The following LRP1B variants were observed in gnomAD, a reference collection of about 807,000 sequenced individuals.
LRP1B encodes LDL receptor related protein 1B, also known as low-density lipoprotein receptor-related protein 1B.
LRP1B carries 217 observed loss-of-function variants against 556.6 expected under a neutral mutation model. The ratio of observed to expected loss-of-function variants is 0.39; its 90% CI spans 0.35 to 0.44. LRP1B has a LOEUF of 0.44. LRP1B is among the 20% of genes least tolerant of loss of function. The probability of loss-of-function intolerance (pLI) is 1.00; values close to 1 mark genes in which losing one functional copy is unlikely to be tolerated. For synonymous variants in LRP1B, 2,047 were observed against 1,865.8 expected, an observed-to-expected ratio of 1.10 and a Z score of -2.50; for missense variants, 5,053 against 5,620.8, an observed-to-expected ratio of 0.90 and a Z score of 3.23.
intron 1 of LRP1B, among the ~76,000 whole-genome samples, chr2:141,893,328 G>A (rs1699346728): frequency 1.3e-5 from 2 of 152,022 alleles, no homozygotes; most frequent in African/African-American, 4.8e-5. Context: ...AACCTCCCAA[G>A]TAGTTGGGAT....
rs537082633 is a variant in LRP1B, at chr2:141,322,893, G to A, written c.344-68252C>T. ...CAGTAGAGCAGGAGTTTTGAGATAC[G>A]AATATCCAAGATTAAAATTGCAGTC... is the stretch of plus-strand genomic sequence containing the variant. On this transcript the variant is annotated intron_variant, in intron 3 of 90. Transcript: ENST00000389484. Among the ~76,000 whole-genome samples, 7 of 152,072 alleles carry A rather than the reference G, an allele frequency of 4.6e-5. No homozygotes were observed. In the East Asian group the frequency reaches 9.7e-4, roughly 21 times the overall value.
At chr2:142,003,192 T>A (rs1168415609) in intron 1 of LRP1B, among the ~76,000 whole-genome samples, 1 of 152,216 alleles carries the variant, frequency 6.6e-6, no homozygotes, top group Non-Finnish European at 1.5e-5. Context: ...TCCATAAAAA[T>A]TTACTGAACA....
intron 18 of LRP1B, among the ~76,000 whole-genome samples, chr2:140,958,978 G>A (rs938294152): frequency 6.6e-6 from 1 of 150,870 alleles, no homozygotes; most frequent in Non-Finnish European, 1.5e-5. Flanking sequence ...AAAGGCAAGA[G>A]AAGTGTTTGA....
At chr2:140,791,123 G>A (rs1690104852) in intron 32 of LRP1B, among the ~76,000 whole-genome samples, 2 of 151,912 alleles carry the variant, frequency 1.3e-5, no homozygotes, top group South Asian at 2.1e-4. Flanking sequence ...GCATAGTGGT[G>A]CACGCCTGTA....
chr2:141,861,361 C>G (rs139132478), intron 1 of LRP1B, among the ~76,000 whole-genome samples: 3 of 152,182 alleles, frequency 2.0e-5, no homozygotes. Context: ...TGATTAACAA[C>G]TTCTACAATA....
At chr2:140,321,310 CTAGCTTCTGAAA>C (rs1448666040) in intron 82 of LRP1B, among the ~76,000 whole-genome samples, 2 of 151,490 alleles carry the variant, frequency 1.3e-5, no homozygotes, top group Non-Finnish European at 2.9e-5. Context: ...ATTCCAGCTT[CTAGCTTCTGAAA>C]TACAAACTGC....
chr2:141,208,301 T>G (rs1325199554), intron 6 of LRP1B: 2 of 152,268 alleles, frequency 1.3e-5, no homozygotes, highest in African/African-American at 4.8e-5. Flanking sequence ...CAGTAGCTTG[T>G]GTTGCAGGGT....
intron 30 of LRP1B, 83 bp downstream of exon 30, chr2:140,840,835 G>A: frequency 9.4e-7 from 1 of 1,068,842 alleles, no homozygotes; most frequent in Non-Finnish European, 1.3e-6. Context: ...TATATCCTCT[G>A]AATTAAGCAA....
intron 1 of LRP1B, 39 bp downstream of exon 1, chr2:142,130,609 G>C (rs757971566): frequency 3.2e-6 from 5 of 1,548,160 alleles, no homozygotes; most frequent in African/African-American, 1.4e-5. Context: ...GGAAAGCCAA[G>C]GAAGTCAGGG....
intron 2 of LRP1B, among the ~76,000 whole-genome samples, chr2:141,535,665 C>T (rs999146295): frequency 5.3e-5 from 8 of 151,790 alleles, no homozygotes; most frequent in African/African-American, 1.2e-4. Context: ...GCAAATAAAC[C>T]ACTCCTCAGG....
chr2:140,883,599 A>G (rs1055479718), intron 25 of LRP1B, among the ~76,000 whole-genome samples: 4 of 151,532 alleles, frequency 2.6e-5, no homozygotes, highest in Admixed American at 6.6e-5. Flanking sequence ...AAAAGTACCT[A>G]TGTAAGCAAT....
At chr2:141,898,338 A>G (rs1005919538) in intron 1 of LRP1B, among the ~76,000 whole-genome samples, 3 of 152,138 alleles carry the variant, frequency 2.0e-5, no homozygotes, top group Non-Finnish European at 4.4e-5. Context: ...ATGTGTGGTT[A>G]AAACAGAACA....
intron 77 of LRP1B, among the ~76,000 whole-genome samples, chr2:140,341,313 T>C (rs1263186765): frequency 6.6e-6 from 1 of 151,476 alleles, no homozygotes; most frequent in African/African-American, 2.4e-5. Flanking sequence ...AAACTGACAA[T>C]AAAATTTCCA....
chr2:140,804,799 G>A (rs1021620118), intron 32 of LRP1B, among the ~76,000 whole-genome samples: 1 of 151,690 alleles, frequency 6.6e-6, no homozygotes, highest in Non-Finnish European at 1.5e-5. Flanking sequence ...TATGAACACT[G>A]TATTCATTCT....
chr2:140,717,926 CAG>C (rs1687268007), intron 35 of LRP1B, among the ~76,000 whole-genome samples: 2 of 152,036 alleles, frequency 1.3e-5, no homozygotes, highest in Admixed American at 6.6e-5. Flanking sequence ...TGCAGCAGAG[CAG>C]AGATACCCTA....
intron 43 of LRP1B, among the ~76,000 whole-genome samples, chr2:140,543,337 AAAAC>A (rs1680204700): frequency 1.3e-5 from 2 of 150,964 alleles, no homozygotes; most frequent in African/African-American, 4.9e-5. Context: ...AGAAGACAGA[AAAAC>A]AATAGAGCGA....
intron 1 of LRP1B, among the ~76,000 whole-genome samples, chr2:142,079,675 A>G (rs1209983824): frequency 6.6e-6 from 1 of 151,772 alleles, no homozygotes; most frequent in Non-Finnish European, 1.5e-5. Flanking sequence ...ATGCCCAGCT[A>G]ATTTTTGTAT....
chr2:140,429,648 AAAC>A (rs779861640), intron 66 of LRP1B, among the ~76,000 whole-genome samples: 21 of 152,176 alleles, frequency 1.4e-4, no homozygotes, highest in Admixed American at 3.9e-4. Flanking sequence ...ATCCCTTACA[AAAC>A]AACAACTCCT....
intron 1 of LRP1B, among the ~76,000 whole-genome samples, chr2:142,070,782 C>T (rs949054941): frequency 2.0e-5 from 3 of 151,886 alleles, no homozygotes; most frequent in Non-Finnish European, 2.9e-5. Context: ...TTAGAATTCA[C>T]ACAGGACATC....
Sources: allele counts gnomAD v4.1 joint callset (sites outside exome capture counted in the v4.1 genomes callset), GRCh38; gene constraint gnomAD v4.1.1; transcripts MANE v1.5; gene names NCBI Gene and HGNC (gene_info 2026-07-23, HGNC 2026-07-21).